Variants in ARHGEF26 observed in about 807,000 individuals in gnomAD.
ARHGEF26 encodes Rho guanine nucleotide exchange factor 26.
In ARHGEF26, 59 loss-of-function variants were observed where a neutral mutation model predicts 89.4. The observed-to-expected ratio is 0.66, with a 90% CI of 0.54 to 0.82. The LOEUF (loss-of-function observed/expected upper bound fraction) is 0.82. Ranked by LOEUF, ARHGEF26 falls within the 40% of genes least tolerant of loss-of-function variation. The pLI is 0.00. For missense variants in ARHGEF26, 1,234 were observed against 1,085.6 expected, an observed-to-expected ratio of 1.14 and a Z score of -1.92; for synonymous variants, 500 against 428.4, an observed-to-expected ratio of 1.17 and a Z score of -2.06.
chr3:154,233,935 C>G (rs1716960644), intron 11 of ARHGEF26, among the ~76,000 whole-genome samples: 1 of 152,118 alleles, frequency 6.6e-6, no homozygotes, highest in South Asian at 2.1e-4. Context: ...GTTCTAAAGC[C>G]TATGGAAAGG....
At chr3:154,131,942 ATGATAT>A (rs1718704122) in intron 4 of ARHGEF26, among the ~76,000 whole-genome samples, 2 of 152,234 alleles carry the variant, frequency 1.3e-5, no homozygotes, top group Middle Eastern at 3.2e-3. Context: ...TCTTTTGTAA[ATGATAT>A]TGATATCATA....
chr3:154,130,647 G>A (rs1179456323), intron 4 of ARHGEF26, among the ~76,000 whole-genome samples: 1 of 152,064 alleles, frequency 6.6e-6, no homozygotes, highest in Non-Finnish European at 1.5e-5. Context: ...CAATGTCACA[G>A]TTTGATGCTT....
rs1162141105 is a variant in ARHGEF26 at position 154,257,528 on chromosome 3, G to T, written c.*2055G>T. On this transcript the variant is annotated 3_prime_UTR_variant, in exon 15 of 15. Coordinates refer to ENST00000465093, the MANE Select transcript of ARHGEF26 (RefSeq NM_015595.4). Reference sequence around the variant, plus strand: ...TTGAATCCTGTGAATTAATTTATAAGAATGTTAAACAGCTTTGGAAATACA... The same window carrying T: ...TTGAATCCTGTGAATTAATTTATAATAATGTTAAACAGCTTTGGAAATACA... 1 of 152,178 alleles carries T rather than the reference G, an allele frequency of 6.6e-6. No individual in the cohort carries two copies. The allele number at this position is 152,178 out of a possible 1,614,324, so 9.4% of individuals were successfully genotyped here.
chr3:154,192,326 T>C (rs1378917814), intron 8 of ARHGEF26, among the ~76,000 whole-genome samples: 1 of 152,244 alleles, frequency 6.6e-6, no homozygotes, highest in East Asian at 1.9e-4. Flanking sequence ...CAAAGTAAAT[T>C]TCACATTCTG....
rs1223339546 is a variant in ARHGEF26 at position 154,227,578 on chromosome 3, G to A, written c.2090+1568G>A. On this transcript the variant is annotated intron_variant, in intron 11 of 14. Transcript: ENST00000465093. ...TTATAGGCATGAGCCACTGCGCCCA[G>A]CCGTAAATTTTATAAAGAAAGATGG... 2.0e-5 allele frequency among the ~76,000 whole-genome samples: 3 copies of A among 152,126 alleles called. No homozygotes were observed. The East Asian group carries it at 5.8e-4, about 29-fold the overall frequency.
At chr3:154,216,645 T>A (rs1715767634) in intron 9 of ARHGEF26, among the ~76,000 whole-genome samples, 1 of 129,186 alleles carries the variant, frequency 7.7e-6, no homozygotes, top group South Asian at 2.9e-4. Context: ...TAACTCGTCA[T>A]CTAGCATTAG....
At chr3:154,232,495 T>C (rs182223554) in intron 11 of ARHGEF26, among the ~76,000 whole-genome samples, 41 of 152,342 alleles carry the variant, frequency 2.7e-4, no homozygotes, top group Admixed American at 1.2e-3. Context: ...ACTTGCCAAA[T>C]TGTGGATTTC....
In ARHGEF26 at chr3:154,130,637, C is replaced by T. The variant is rs578011607; in HGVS notation, c.1269+918C>T. ...TGTATATTTTTTTCCTCCTGGCTTA[C>T]AATGTCACAGTTTGATGCTTAGTTT... On this transcript the variant is annotated intron_variant, in intron 4 of 14. Coordinates refer to ENST00000465093, the MANE Select transcript of ARHGEF26 (RefSeq NM_015595.4). 2.7e-4 allele frequency among the ~76,000 whole-genome samples: 41 copies of T among 152,216 alleles called. 1 individual carries two copies. The South Asian group carries it at 8.3e-3, about 31-fold the overall frequency.
chr3:154,251,091 C>T (rs189879839), intron 12 of ARHGEF26, among the ~76,000 whole-genome samples: 1 of 152,068 alleles, frequency 6.6e-6, no homozygotes, highest in Non-Finnish European at 1.5e-5. Context: ...TTTGAAAATG[C>T]CTGTCTTTCA....
intron 12 of ARHGEF26, among the ~76,000 whole-genome samples, chr3:154,244,752 C>T (rs971533530): frequency 6.6e-6 from 1 of 152,090 alleles, no homozygotes; most frequent in African/African-American, 2.4e-5. Context: ...TCATTTTCTT[C>T]CCCCATGTGA....
intron 6 of ARHGEF26, among the ~76,000 whole-genome samples, chr3:154,178,976 C>T (rs1482213715): frequency 1.3e-5 from 2 of 152,092 alleles, no homozygotes; most frequent in East Asian, 1.9e-4. Context: ...AATTGAAACT[C>T]TCTAATAGGG....
intron 6 of ARHGEF26, among the ~76,000 whole-genome samples, chr3:154,171,915 G>T (rs1455026120): frequency 6.6e-6 from 1 of 152,166 alleles, no homozygotes; most frequent in Admixed American, 6.5e-5. Context: ...ATGCCAGTGG[G>T]AGTAGAAGGA....
At chr3:154,219,806 C>T (rs1288827937) in intron 10 of ARHGEF26, among the ~76,000 whole-genome samples, 1 of 150,154 alleles carries the variant, frequency 6.7e-6, no homozygotes, top group East Asian at 2.0e-4. Context: ...CCCAGCTACT[C>T]GGGAGGCTGA....
chr3:154,122,286 C>T lies in ARHGEF26; in HGVS notation c.294C>T (p.Ser98=), dbSNP rs757108329. The T allele has an allele frequency of 2.2e-5, 35 of 1,612,538 alleles. No homozygotes were observed. Among genetic ancestry groups the T allele is most frequent in the East Asian group, 6.7e-5 (3 of 44,850 alleles). The part of the protein sequence containing the change: ...RRAVANGGTA[S]PEYRAASPRL... Reference sequence around the variant, plus strand: ...CGGTGGCCAATGGTGGGACGGCATCCCCGGAGTACAGGGCTGCCTCTCCTC... The same window carrying T: ...CGGTGGCCAATGGTGGGACGGCATCTCCGGAGTACAGGGCTGCCTCTCCTC... The change falls in exon 2 of 15, where the codon TCC becomes TCT. Residue 98 remains serine, a synonymous_variant. Coordinates refer to ENST00000465093, the MANE Select transcript of ARHGEF26 (RefSeq NM_015595.4).
chr3:154,151,340 C>T (rs544500162), intron 5 of ARHGEF26, among the ~76,000 whole-genome samples: 1 of 152,238 alleles, frequency 6.6e-6, no homozygotes, highest in South Asian at 2.1e-4. Flanking sequence ...AATTTTTGTT[C>T]TCAAAACCCT....
chr3:154,229,722 G>A (rs988115516), intron 11 of ARHGEF26, among the ~76,000 whole-genome samples: 3 of 152,066 alleles, frequency 2.0e-5, no homozygotes, highest in Admixed American at 1.3e-4. Flanking sequence ...GTCTCTGGAC[G>A]TTTTTGCCTA....
At chr3:154,254,481 T>C (rs1233316827) in intron 13 of ARHGEF26, among the ~76,000 whole-genome samples, 1 of 152,104 alleles carries the variant, frequency 6.6e-6, no homozygotes, top group Non-Finnish European at 1.5e-5. Flanking sequence ...GATCAACCTG[T>C]TATTGAGGGG....
At chr3:154,229,260 G>T (rs1458285075) in intron 11 of ARHGEF26, among the ~76,000 whole-genome samples, 1 of 152,036 alleles carries the variant, frequency 6.6e-6, no homozygotes, top group Non-Finnish European at 1.5e-5. Context: ...CAGTTCAGTG[G>T]CTATTCACAG....
At chr3:154,188,905 A>T (rs1274418546) in intron 7 of ARHGEF26, among the ~76,000 whole-genome samples, 1 of 152,162 alleles carries the variant, frequency 6.6e-6, no homozygotes, top group Non-Finnish European at 1.5e-5. Context: ...TTGTTCGCAC[A>T]ATTGACATTT....
Sources: gnomAD v4.1 joint callset for allele counts (sites outside exome capture counted in the v4.1 genomes callset) on GRCh38, gnomAD v4.1.1 for gene constraint, MANE v1.5 for transcripts, NCBI Gene and HGNC (gene_info 2026-07-23, HGNC 2026-07-21) for gene names.